The following GALNTL6 variants were observed in gnomAD, a reference collection of about 807,000 sequenced individuals.
GALNTL6 encodes the protein polypeptide N-acetylgalactosaminyltransferase-like 6.
Under a neutral mutation model 73.7 loss-of-function variants are expected in GALNTL6, and 46 were observed. The observed-to-expected ratio is 0.62, with a 90% CI of 0.49 to 0.80. GALNTL6 has a LOEUF of 0.80. Among genes scored for constraint, GALNTL6 ranks in the 30% least tolerant of loss-of-function variants. GALNTL6 has a pLI of 0.00. For missense variants in GALNTL6, 604 were observed against 755.0 expected, an observed-to-expected ratio of 0.80 and a Z score of 2.34; for synonymous variants, 259 against 263.7, an observed-to-expected ratio of 0.98 and a Z score of 0.17.
At chr4:172,347,227 T>C (rs333401) in intron 4 of GALNTL6, among the ~76,000 whole-genome samples, 14,830 of 152,080 alleles carry the variant, frequency 0.098, 810 homozygotes, top group East Asian at 0.18. Flanking sequence ...AGGACTCAAG[T>C]GATCCTCCCA....
intron 5 of GALNTL6, among the ~76,000 whole-genome samples, chr4:172,433,864 T>C (rs1331640825): frequency 3.3e-5 from 5 of 152,154 alleles, no homozygotes; most frequent in African/African-American, 1.2e-4. Flanking sequence ...TTCAAACACA[T>C]TTTTAGAAAA....
At chr4:172,942,603 G>T (rs887085130) in intron 9 of GALNTL6, among the ~76,000 whole-genome samples, 1 of 152,136 alleles carries the variant, frequency 6.6e-6, no homozygotes, top group East Asian at 1.9e-4. Flanking sequence ...ATTCCCAAAA[G>T]CCTCCATCGC....
At chr4:172,680,639 A>G (rs1380567301) in intron 5 of GALNTL6, among the ~76,000 whole-genome samples, 1 of 152,126 alleles carries the variant, frequency 6.6e-6, no homozygotes. Flanking sequence ...GATATCCTCT[A>G]GTTCTATGAT....
intron 2 of GALNTL6, among the ~76,000 whole-genome samples, chr4:172,032,109 C>T (rs572980485): frequency 1.3e-5 from 2 of 152,036 alleles, no homozygotes; most frequent in Non-Finnish European, 2.9e-5. Context: ...GTATAAGATA[C>T]CTTATTTTTA....
chr4:171,926,412 A>G (rs2110988445), intron 2 of GALNTL6, among the ~76,000 whole-genome samples: 2 of 152,218 alleles, frequency 1.3e-5, no homozygotes, highest in Admixed American at 1.3e-4. Context: ...TTAGGTACAG[A>G]AAACTTGTCT....
chr4:172,909,834 G>A (rs1006173056), intron 8 of GALNTL6, among the ~76,000 whole-genome samples: 5 of 152,006 alleles, frequency 3.3e-5, no homozygotes, highest in Non-Finnish European at 7.4e-5. Context: ...TACAACACAT[G>A]TATCTCAATA....
At chr4:172,939,662 A>T (rs1748818078) in intron 9 of GALNTL6, among the ~76,000 whole-genome samples, 1 of 152,170 alleles carries the variant, frequency 6.6e-6, no homozygotes, top group South Asian at 2.1e-4. Context: ...CCCCTTTGTG[A>T]TGTAACGTCA....
Position 172,362,837 on chromosome 4 carries a change from A to G in GALNTL6, c.553+14148A>G, listed in dbSNP as rs111940793. On this transcript the variant is annotated intron_variant, in intron 5 of 12. Transcript: ENST00000506823. Reference sequence around the variant, plus strand: ...TCTTTCTTCCTCACATCCCACATCCAGTCAATGAACAAATCTTGCCAAATT... The same window carrying G: ...TCTTTCTTCCTCACATCCCACATCCGGTCAATGAACAAATCTTGCCAAATT... 3.6e-3 allele frequency among the ~76,000 whole-genome samples: 545 copies of G among 152,282 alleles called. 2 individuals carry two copies. Among genetic ancestry groups the G allele is most frequent in the African/African-American group, 9.4e-3 (391 of 41,558 alleles).
At position 171,999,769 on chromosome 4, in the gene GALNTL6, T is replaced by A. The variant is rs539759213; in HGVS notation, c.138+185051T>A. ...TTACAACTCTGAAATTAAAAAAAAG[T>A]TTAAGTCCTTGTATTGTGCTGTAAA... On this transcript the variant is annotated intron_variant, in intron 2 of 12. Transcript: ENST00000506823. 4.8e-4 allele frequency among the ~76,000 whole-genome samples: 72 copies of A among 149,330 alleles called. 1 individual carries two copies. The highest frequency in any genetic ancestry group is 8.4e-4 in the Non-Finnish European group (56 of 66,950).
At chr4:172,378,629 GATT>G (rs1329234268) in intron 5 of GALNTL6, among the ~76,000 whole-genome samples, 4 of 151,968 alleles carry the variant, frequency 2.6e-5, no homozygotes, top group African/African-American at 4.8e-5. Context: ...GATGAATAAA[GATT>G]ATTATAATTT....
chr4:172,955,526 A>G (rs1274755731), intron 10 of GALNTL6, among the ~76,000 whole-genome samples: 1 of 152,172 alleles, frequency 6.6e-6, no homozygotes, highest in Non-Finnish European at 1.5e-5. Flanking sequence ...TTAATCTCTG[A>G]CAAAAAAAAA....
In GALNTL6 at chr4:172,559,169, G is replaced by A. The variant is rs192062342; in HGVS notation, c.553+210480G>A. ...AACCTCCACCTCCCAGGTTCATGCC[G>A]TTCTCCTGCCTCAGCCTCCCGAGTA... is the stretch of plus-strand genomic sequence containing the variant. On this transcript the variant is annotated intron_variant, in intron 5 of 12. Transcript: ENST00000506823. 4.2e-3 allele frequency among the ~76,000 whole-genome samples: 555 copies of A among 133,130 alleles called. 4 individuals carry two copies. Among genetic ancestry groups the A allele is most frequent in the African/African-American group, 0.014 (518 of 36,360 alleles). 87.3% of individuals were successfully genotyped at this position (133,130 alleles called of 152,430 possible).
At chr4:172,867,310 G>T (rs1254702915) in intron 7 of GALNTL6, among the ~76,000 whole-genome samples, 1 of 152,170 alleles carries the variant, frequency 6.6e-6, no homozygotes, top group Non-Finnish European at 1.5e-5. Context: ...AGTCTACTAT[G>T]GAGTGCACTT....
chr4:172,007,150 A>G (rs1740867989), intron 2 of GALNTL6, among the ~76,000 whole-genome samples: 1 of 152,150 alleles, frequency 6.6e-6, no homozygotes, highest in Admixed American at 6.6e-5. Flanking sequence ...ACTGAAGATA[A>G]GAACCCCACA....
intron 2 of GALNTL6, among the ~76,000 whole-genome samples, chr4:172,215,688 C>T (rs559402677): frequency 6.6e-6 from 1 of 152,218 alleles, no homozygotes; most frequent in East Asian, 1.9e-4. Context: ...TGTGATTTAA[C>T]TGCTCTATTA....
At chr4:171,965,406 C>T (rs1739355358) in intron 2 of GALNTL6, among the ~76,000 whole-genome samples, 1 of 152,090 alleles carries the variant, frequency 6.6e-6, no homozygotes, top group South Asian at 2.1e-4. Context: ...CCTGTAATCC[C>T]AGCACTTTGG....
intron 2 of GALNTL6, among the ~76,000 whole-genome samples, chr4:171,829,097 T>C (rs1734898376): frequency 6.6e-6 from 1 of 152,190 alleles, no homozygotes; most frequent in Non-Finnish European, 1.5e-5. Flanking sequence ...GAAAGTTACA[T>C]GCAGATTTTT....
chr4:171,962,765 C>CTTTTTTTTTTT lies in GALNTL6; in HGVS notation c.138+148055_138+148065dup, dbSNP rs139917729. 7.0e-4 allele frequency among the ~76,000 whole-genome samples: 80 copies of CTTTTTTTTTTT among 113,792 alleles called. 2 individuals are homozygous for CTTTTTTTTTTT. Among genetic ancestry groups the CTTTTTTTTTTT allele is most frequent in the Non-Finnish European group, 8.6e-4 (52 of 60,646 alleles). The allele number at this position is 113,792 out of a possible 152,430, so 74.7% of individuals were successfully genotyped here. On this transcript the variant is annotated intron_variant, in intron 2 of 12. Coordinates refer to ENST00000506823, the MANE Select transcript of GALNTL6 (RefSeq NM_001034845.3). ...TACTTTCTTAATAAGCTTGCTTTTA[C>CTTTTTTTTTTT]TTTTTTTTTTTTTTTTTTGTGAGAT...
chr4:171,940,275 T>C (rs1474164215), intron 2 of GALNTL6, among the ~76,000 whole-genome samples: 1 of 151,952 alleles, frequency 6.6e-6, no homozygotes, highest in African/African-American at 2.4e-5. Context: ...TCTGAAACTA[T>C]TGATAATCAA....
Sources: gnomAD v4.1 joint callset for allele counts (sites outside exome capture counted in the v4.1 genomes callset) on GRCh38, gnomAD v4.1.1 for gene constraint, MANE v1.5 for transcripts, NCBI Gene and HGNC (gene_info 2026-07-23, HGNC 2026-07-21) for gene names.